Variants in IPO7 observed in about 807,000 individuals in gnomAD.
The protein encoded by IPO7 is importin 7.
IPO7 carries 13 observed loss-of-function variants against 136.4 expected under a neutral mutation model. That is an observed-to-expected ratio of 0.10 (90% confidence interval 0.06 to 0.15). The LOEUF (loss-of-function observed/expected upper bound fraction) is 0.15. IPO7 is among the 10% of genes least tolerant of loss of function. The pLI, the probability that IPO7 is intolerant of heterozygous loss-of-function variation, is 1.00. For missense variants in IPO7, 857 were observed against 1,240.6 expected, an observed-to-expected ratio of 0.69 and a Z score of 4.65; for synonymous variants, 403 against 404.4, an observed-to-expected ratio of 1.00 and a Z score of 0.04.
chr11:9,392,668 G>A (rs1854652782), intron 1 of IPO7, among the ~76,000 whole-genome samples: 2 of 152,058 alleles, frequency 1.3e-5, no homozygotes, highest in Admixed American at 1.3e-4. Context: ...TACAGTTTTG[G>A]CCGGGTGCGG....
chr11:9,435,398 G>A (rs1420026354), intron 19 of IPO7, among the ~76,000 whole-genome samples: 1 of 152,170 alleles, frequency 6.6e-6, no homozygotes, highest in Non-Finnish European at 1.5e-5. Context: ...TTTACAACAA[G>A]CAATAGGAAA....
At chr11:9,430,140 C>T (rs1210466962) in intron 15 of IPO7, among the ~76,000 whole-genome samples, 1 of 152,110 alleles carries the variant, frequency 6.6e-6, no homozygotes, top group African/African-American at 2.4e-5. Context: ...TGCTCACTCA[C>T]CTACCACTTA....
chr11:9,394,990 A>G (rs1854688819), intron 1 of IPO7, among the ~76,000 whole-genome samples: 1 of 152,176 alleles, frequency 6.6e-6, no homozygotes, highest in African/African-American at 2.4e-5. Context: ...ATAATGACTC[A>G]TTTGGTGCTT....
chr11:9,425,339 C>T, intron 12 of IPO7, 77 bp downstream of exon 12: 1 of 872,108 alleles, frequency 1.1e-6, no homozygotes, highest in Non-Finnish European at 1.9e-6. Context: ...GGCACAGTGG[C>T]TCACTTCTAT....
At chr11:9,441,383 T>G (rs1855457962) in intron 23 of IPO7, among the ~76,000 whole-genome samples, 1 of 152,248 alleles carries the variant, frequency 6.6e-6, no homozygotes, top group Admixed American at 6.5e-5. Flanking sequence ...CCATCCACGT[T>G]AAGAAATTAA....
chr11:9,441,341 G>A (rs1855457393), intron 23 of IPO7, among the ~76,000 whole-genome samples: 1 of 152,052 alleles, frequency 6.6e-6, no homozygotes, highest in Admixed American at 6.6e-5. Flanking sequence ...TCATTTACTT[G>A]GATTTCAACA....
chr11:9,428,551 T>C lies in IPO7; in HGVS notation c.1347T>C (p.Tyr449=). ...GTTTATATTTACAGAAAAAGATCTA[T>C]AAAGATCAGATGGAATACATGTTGC... ...LAEILLKKKI[Y]KDQMEYMLQN... The change falls in exon 13 of 25, where the codon TAT becomes TAC. Residue 449 remains tyrosine (Y), a synonymous_variant. Transcript: ENST00000379719. 6.7e-7 allele frequency: 1 copy of C among 1,482,700 alleles called. No homozygotes were observed. Among genetic ancestry groups the C allele is most frequent in the Non-Finnish European group, 9.3e-7 (1 of 1,078,308 alleles). 91.8% of individuals were successfully genotyped at this position (1,482,700 alleles called of 1,614,324 possible).
At chr11:9,399,077 A>C (rs1854755832) in intron 1 of IPO7, among the ~76,000 whole-genome samples, 2 of 152,060 alleles carry the variant, frequency 1.3e-5, no homozygotes. Flanking sequence ...TGCTAAATGG[A>C]GAATGATTGG....
At chr11:9,405,501 T>A (rs150330357) in intron 2 of IPO7, among the ~76,000 whole-genome samples, 277 of 151,522 alleles carry the variant, frequency 1.8e-3, no homozygotes, top group African/African-American at 6.5e-3. Context: ...TGACTCACTG[T>A]AAACTCTGCC....
chr11:9,417,070 A>T lies in IPO7; in HGVS notation c.648A>T (p.Pro216=). The T allele has an allele frequency of 3.3e-6, 5 of 1,509,804 alleles. No individual in the cohort carries two copies. The highest frequency in any genetic ancestry group is 4.6e-6 in the Non-Finnish European group (5 of 1,087,400). 93.5% of individuals were successfully genotyped at this position (1,509,804 alleles called of 1,614,324 possible). A position where few individuals can be genotyped will look rare whatever the true frequency, so the allele number is the denominator to read the frequency against. The change falls in exon 6 of 25, where the codon CCA becomes CCT. Residue 216 remains proline, a synonymous_variant. Coordinates refer to ENST00000379719, the MANE Select transcript of IPO7 (RefSeq NM_006391.3). ...TGACTTTTATTTAGTATACACTACCACTGGAACTGATAAACCAACAGAACC... is the reference window on the plus strand; with the variant it reads ...TGACTTTTATTTAGTATACACTACCTCTGGAACTGATAAACCAACAGAACC... ...IFYALVQYTL[P]LELINQQNLT...
At chr11:9,427,794 A>G (rs191296769) in intron 12 of IPO7, among the ~76,000 whole-genome samples, 60 of 152,294 alleles carry the variant, frequency 3.9e-4, no homozygotes, top group Admixed American at 1.1e-3. Context: ...CTATCAACTA[A>G]TCCATGGACC....
At position 9,425,271 on chromosome 11, in the gene IPO7, T is replaced by C. The variant is rs201794288; in HGVS notation, c.1335+9T>C. 7.7e-5 allele frequency: 114 copies of C among 1,474,406 alleles called. 1 individual carries two copies. In the East Asian group the frequency reaches 2.1e-3, roughly 27 times the overall value. 91.3% of individuals were successfully genotyped at this position (1,474,406 alleles called of 1,614,324 possible). A position where few individuals can be genotyped will look rare whatever the true frequency, so the allele number is the denominator to read the frequency against. ...CTGAAATACTTCTGAAGGTATTCTT[T>C]AGTGTGTTTGTATGTGCATGACTAT... is the stretch of plus-strand genomic sequence containing the variant. On this transcript the variant is annotated intron_variant, in intron 12 of 24. Coordinates refer to ENST00000379719, the MANE Select transcript of IPO7 (RefSeq NM_006391.3).
At chr11:9,418,858 T>G (rs1020606525) in intron 6 of IPO7, among the ~76,000 whole-genome samples, 12 of 152,214 alleles carry the variant, frequency 7.9e-5, no homozygotes, top group Admixed American at 7.2e-4. Flanking sequence ...TTTAATCTGT[T>G]TTAGAACTTA....
Position 9,429,118 on chromosome 11 carries a change from C to T in IPO7, c.1513C>T (p.Leu505=). The stretch of plus-strand genomic sequence containing the variant: ...AGCCTTAGAGCTAACAAGAAGATGT[C>T]TGATTGATGATAGAGAAATGCCTGT... The part of the protein sequence containing the change: ...QTALELTRRC[L]IDDREMPVKV... Residue 505 remains leucine (L), a synonymous_variant, in exon 14 of 25, where the codon CTG becomes TTG. Coordinates refer to ENST00000379719, the MANE Select transcript of IPO7 (RefSeq NM_006391.3). 6.2e-7 allele frequency: 1 copy of T among 1,613,766 alleles called. No individual in the cohort carries two copies. Among genetic ancestry groups the T allele is most frequent in the South Asian group, 1.1e-5 (1 of 91,072 alleles).
intron 24 of IPO7, among the ~76,000 whole-genome samples, 160 bp downstream of exon 24, chr11:9,442,357 T>G (rs976616753): frequency 6.2e-4 from 94 of 152,306 alleles, no homozygotes; most frequent in African/African-American, 2.2e-3. Context: ...AGGGATTTAA[T>G]TCAAGATAAC....
At chr11:9,399,518 G>T (rs957807165) in intron 1 of IPO7, among the ~76,000 whole-genome samples, 2 of 152,168 alleles carry the variant, frequency 1.3e-5, no homozygotes, top group Non-Finnish European at 2.9e-5. Context: ...ATTAAATTGG[G>T]TTGATGAAGA....
chr11:9,434,752 C>T (rs1041858056), intron 18 of IPO7, among the ~76,000 whole-genome samples, 182 bp from the exon 19 acceptor site: 1 of 152,136 alleles, frequency 6.6e-6, no homozygotes, highest in Admixed American at 6.5e-5. Context: ...TTAATCACAC[C>T]ACTGTATTGG....
At chr11:9,405,023 A>C (rs1374200384) in intron 2 of IPO7, among the ~76,000 whole-genome samples, 1 of 152,122 alleles carries the variant, frequency 6.6e-6, no homozygotes, top group Non-Finnish European at 1.5e-5. Context: ...CAGTGTAGGT[A>C]CTCAGGAAAT....
At chr11:9,418,795 C>T (rs1158250481) in intron 6 of IPO7, among the ~76,000 whole-genome samples, 1 of 152,148 alleles carries the variant, frequency 6.6e-6, no homozygotes, top group Non-Finnish European at 1.5e-5. Flanking sequence ...AGAATGTTTG[C>T]TCATGGCTGG....
Sources: gnomAD v4.1 joint callset for allele counts (sites outside exome capture counted in the v4.1 genomes callset) on GRCh38, gnomAD v4.1.1 for gene constraint, MANE v1.5 for transcripts, NCBI Gene and HGNC (gene_info 2026-07-23, HGNC 2026-07-21) for gene names.